RIGI: variants seen among roughly 807,000 people sequenced by gnomAD.
RIGI encodes the protein RNA sensor RIG-I.
the RIGI span, among the ~76,000 whole-genome samples, chr9:32,490,841 T>C: frequency 1.3e-5 from 2 of 152,140 alleles, no homozygotes; most frequent in Admixed American, 1.3e-4. Context: ...ACAGGCTGGA[T>C]CTCAGCCCCT....
the RIGI span, chr9:32,487,722 G>A: frequency 2.7e-6 from 4 of 1,497,358 alleles, no homozygotes; most frequent in East Asian, 9.2e-5. Context: ...GCTGGGGTAG[G>A]GCGTTTTTTT....
At chr9:32,502,710 G>A in the RIGI span, among the ~76,000 whole-genome samples, 19 of 152,256 alleles carry the variant, frequency 1.2e-4, 1 homozygote, top group African/African-American at 3.1e-4. Flanking sequence ...TTGCCCTTCC[G>A]GTTTCTGGTA....
chr9:32,500,537 A>G, the RIGI span, among the ~76,000 whole-genome samples: 1 of 152,284 alleles, frequency 6.6e-6, no homozygotes, highest in African/African-American at 2.4e-5. Flanking sequence ...TTGGGCAGAA[A>G]TGCAACTAAT....
the RIGI span, among the ~76,000 whole-genome samples, chr9:32,517,396 A>T: frequency 6.6e-6 from 1 of 152,208 alleles, no homozygotes; most frequent in Non-Finnish European, 1.5e-5. Context: ...AGATGTGTTT[A>T]TCTAGATGTA....
chr9:32,520,963 T>C, the RIGI span, among the ~76,000 whole-genome samples: 2 of 151,704 alleles, frequency 1.3e-5, no homozygotes, highest in African/African-American at 4.8e-5. Flanking sequence ...CTGGCCAACA[T>C]GGTGAAACCC....
At chr9:32,507,406 C>A in the RIGI span, among the ~76,000 whole-genome samples, 1 of 151,980 alleles carries the variant, frequency 6.6e-6, no homozygotes, top group Non-Finnish European at 1.5e-5. Context: ...ATCATTTATG[C>A]TTTTATTATC....
the RIGI span, among the ~76,000 whole-genome samples, chr9:32,503,557 C>T: frequency 6.6e-6 from 1 of 152,158 alleles, no homozygotes; most frequent in Non-Finnish European, 1.5e-5. Context: ...ACTTACACTG[C>T]ATAGTATATA....
chr9:32,464,617 T>A, the RIGI span, among the ~76,000 whole-genome samples: 4 of 152,164 alleles, frequency 2.6e-5, no homozygotes, highest in Non-Finnish European at 5.9e-5. Flanking sequence ...GACCTCGTGA[T>A]CCACCCGCCT....
chr9:32,477,394 A>C, the RIGI span, among the ~76,000 whole-genome samples: 1 of 152,328 alleles, frequency 6.6e-6, no homozygotes, highest in South Asian at 2.1e-4. Context: ...ATTATGGAAG[A>C]GGTCTCCAAG....
At chr9:32,498,434 C>T in the RIGI span, 3 of 447,598 alleles carry the variant, frequency 6.7e-6, no homozygotes, top group East Asian at 7.1e-5. Flanking sequence ...TTTCCTGCTT[C>T]TGGCCCGAGG....
chr9:32,457,308 A>T, the RIGI span: 1 of 1,614,154 alleles, frequency 6.2e-7, no homozygotes. Flanking sequence ...TCTGTCGGGC[A>T]CAGAATATCT....
the RIGI span, among the ~76,000 whole-genome samples, chr9:32,465,642 C>T: frequency 6.6e-6 from 1 of 152,206 alleles, no homozygotes; most frequent in East Asian, 1.9e-4. Context: ...TGAGGTCACA[C>T]ATCTTGCAAC....
At chr9:32,488,810 C>G in the RIGI span, 4 of 1,613,312 alleles carry the variant, frequency 2.5e-6, no homozygotes, top group Admixed American at 5.0e-5. Flanking sequence ...AAAAAGACAA[C>G]TTTCCCCTTT....
the RIGI span, among the ~76,000 whole-genome samples, chr9:32,486,745 G>A: frequency 6.6e-6 from 1 of 152,154 alleles, no homozygotes; most frequent in Non-Finnish European, 1.5e-5. Flanking sequence ...AATGTTTGGA[G>A]GTGATGAAGC....
chr9:32,493,783 T>C, the RIGI span: 2 of 1,587,136 alleles, frequency 1.3e-6, no homozygotes, highest in South Asian at 2.3e-5. Flanking sequence ...TTCACATTCC[T>C]GATTAATTAA....
At chr9:32,498,509 T>C in the RIGI span, among the ~76,000 whole-genome samples, 3 of 152,084 alleles carry the variant, frequency 2.0e-5, no homozygotes, top group Non-Finnish European at 2.9e-5. Flanking sequence ...AAAATAAAGC[T>C]CTCCTTTCCA....
the RIGI span, among the ~76,000 whole-genome samples, chr9:32,497,465 C>T: frequency 6.6e-6 from 1 of 152,062 alleles, no homozygotes; most frequent in East Asian, 1.9e-4. Flanking sequence ...ATTCTGCCAT[C>T]GGCTGGGCGC....
At chr9:32,484,733 T>C in the RIGI span, among the ~76,000 whole-genome samples, 3 of 152,214 alleles carry the variant, frequency 2.0e-5, no homozygotes, top group Non-Finnish European at 4.4e-5. Context: ...GTTTTTAGGA[T>C]AAAATTCAAA....
At chr9:32,501,048 C>G in the RIGI span, 7 of 1,306,188 alleles carry the variant, frequency 5.4e-6, no homozygotes, top group Non-Finnish European at 7.4e-6. Context: ...GGAATTGTAC[C>G]AAGTCACAGC....
Sources: gnomAD v4.1 joint callset for allele counts (sites outside exome capture counted in the v4.1 genomes callset) on GRCh38, gnomAD v4.1.1 for gene constraint, MANE v1.5 for transcripts, NCBI Gene and HGNC (gene_info 2026-07-23, HGNC 2026-07-21) for gene names.